The following GPHN variants were observed in gnomAD, a reference collection of about 807,000 sequenced individuals.
The protein encoded by GPHN is gephyrin.
Under a neutral mutation model 95.5 loss-of-function variants are expected in GPHN, and 17 were observed. The observed-to-expected ratio is 0.18, with a 90% CI of 0.12 to 0.27. The LOEUF (loss-of-function observed/expected upper bound fraction) is 0.27. Ranked by LOEUF, GPHN falls within the 10% of genes least tolerant of loss-of-function variation. The pLI is 1.00. For missense variants in GPHN, 660 were observed against 978.1 expected (o/e 0.67, Z 4.34); for synonymous variants, 320 against 322.5 (o/e 0.99, Z 0.08).
intron 1 of GPHN, among the ~76,000 whole-genome samples, chr14:66,641,454 T>A (rs943276949): frequency 1.3e-5 from 2 of 152,170 alleles, no homozygotes; most frequent in Non-Finnish European, 2.9e-5. Flanking sequence ...GTATAAAAGA[T>A]GGATGTTTTA....
chr14:67,647,883 A>G, the GPHN span: 1 of 694,236 alleles, frequency 1.4e-6, no homozygotes, highest in Non-Finnish European at 2.3e-6. Context: ...AATCTCAGTA[A>G]CTTCCAAGAA....
chr14:67,691,378 T>C, the GPHN span: 1 of 624,536 alleles, frequency 1.6e-6, no homozygotes, highest in Middle Eastern at 4.0e-4. Context: ...TTCATATTTA[T>C]TTTCTATTGT....
chr14:67,531,639 G>C, the GPHN span, among the ~76,000 whole-genome samples: 1 of 151,688 alleles, frequency 6.6e-6, no homozygotes, highest in African/African-American at 2.4e-5. Flanking sequence ...CTGGGCCGAG[G>C]TGCGGTGGCT....
At chr14:67,071,801 T>A (rs2076323565) in intron 11 of GPHN, among the ~76,000 whole-genome samples, 1 of 151,880 alleles carries the variant, frequency 6.6e-6, no homozygotes, top group Non-Finnish European at 1.5e-5. Context: ...TAAAGTATAT[T>A]ATAAATAAAA....
rs534500390 is a variant in GPHN, at chr14:66,641,666, A to G, written c.65-39441A>G. Among the ~76,000 whole-genome samples the G allele has an allele frequency of 6.0e-5, 9 of 151,078 alleles. No individual in the cohort carries two copies. The East Asian group carries it at 1.2e-3, about 19-fold the overall frequency. ...AACAAGTAGATGACAAAAAAAAAAA[A>G]AGAGAGAGGTAGAGCACATTTTTAC... On this transcript the variant is annotated intron_variant, in intron 1 of 22. Coordinates refer to ENST00000478722, the MANE Select transcript of GPHN (RefSeq NM_020806.5).
intron 8 of GPHN, among the ~76,000 whole-genome samples, chr14:66,925,446 G>T (rs1466549767): frequency 6.6e-6 from 1 of 151,928 alleles, no homozygotes; most frequent in Non-Finnish European, 1.5e-5. Context: ...TCCACCCTCT[G>T]GTAACCATCA....
At chr14:66,573,611 C>T (rs1200103694) in intron 1 of GPHN, among the ~76,000 whole-genome samples, 1 of 152,148 alleles carries the variant, frequency 6.6e-6, no homozygotes. Flanking sequence ...CGCCTGCCAC[C>T]ACGCACGGCT....
chr14:66,545,134 C>T (rs1258494221), intron 1 of GPHN, among the ~76,000 whole-genome samples: 1 of 152,164 alleles, frequency 6.6e-6, no homozygotes, highest in African/African-American at 2.4e-5. Flanking sequence ...AGAGGGGCTC[C>T]TCACTTCCCA....
the GPHN span, among the ~76,000 whole-genome samples, chr14:67,416,592 C>T: frequency 2.0e-5 from 3 of 152,226 alleles, no homozygotes; most frequent in Non-Finnish European, 2.9e-5. Flanking sequence ...CAGCTAGTTG[C>T]TCTGCTACAA....
the GPHN span, among the ~76,000 whole-genome samples, chr14:67,341,188 G>A: frequency 6.6e-6 from 1 of 152,050 alleles, no homozygotes; most frequent in African/African-American, 2.4e-5. Flanking sequence ...TGGAAAGTGA[G>A]GAGCGTCTGT....
the GPHN span, chr14:67,695,693 A>G: frequency 6.2e-7 from 1 of 1,614,160 alleles, no homozygotes. Flanking sequence ...CGGGAACATG[A>G]GCTCAACCAT....
the GPHN span, among the ~76,000 whole-genome samples, chr14:67,538,931 T>G: frequency 2.0e-5 from 3 of 152,204 alleles, no homozygotes; most frequent in Admixed American, 6.5e-5. Flanking sequence ...TTGGAGATTT[T>G]GATAATTTGG....
rs375952673 is a variant in GPHN, at chr14:67,056,486, C to T, written c.1007-2163C>T. Among the ~76,000 whole-genome samples, 75 of 152,240 alleles carry T rather than the reference C, an allele frequency of 4.9e-4. No homozygotes were observed. The East Asian group carries it at 7.9e-3, about 16-fold the overall frequency. On this transcript the variant is annotated intron_variant, in intron 10 of 22. Transcript: ENST00000478722. ...AGTGCTGATTGGTGGATGTACAATCCGCTAGCTAGACATAAAAGTTCTCTA... is the reference window on the plus strand; with the variant it reads ...AGTGCTGATTGGTGGATGTACAATCTGCTAGCTAGACATAAAAGTTCTCTA...
chr14:66,899,981 G>A (rs1158716064), intron 5 of GPHN, among the ~76,000 whole-genome samples: 2 of 151,804 alleles, frequency 1.3e-5, no homozygotes, highest in Non-Finnish European at 2.9e-5. Flanking sequence ...TATGGTTAAT[G>A]TAGTATTTTA....
At chr14:66,583,611 C>A (rs902290429) in intron 1 of GPHN, among the ~76,000 whole-genome samples, 1 of 151,938 alleles carries the variant, frequency 6.6e-6, no homozygotes, top group East Asian at 1.9e-4. Flanking sequence ...TATGGCTAGC[C>A]AGTTTTCCCA....
chr14:66,606,297 G>C (rs567603193), intron 1 of GPHN, among the ~76,000 whole-genome samples: 7 of 152,196 alleles, frequency 4.6e-5, no homozygotes, highest in South Asian at 2.1e-4. Context: ...AAATCAGATG[G>C]TTATGGGTGT....
At chr14:67,556,417 T>C in the GPHN span, among the ~76,000 whole-genome samples, 1 of 152,228 alleles carries the variant, frequency 6.6e-6, no homozygotes, top group Admixed American at 6.5e-5. Context: ...ATTACAGGCG[T>C]GAGCCACTGT....
chr14:66,579,224 A>G (rs780048621), intron 1 of GPHN, among the ~76,000 whole-genome samples: 1 of 151,848 alleles, frequency 6.6e-6, no homozygotes, highest in Non-Finnish European at 1.5e-5. Flanking sequence ...TAAGTAAGAA[A>G]TCAAAGCATA....
At chr14:66,976,791 T>C (rs2070256606) in intron 9 of GPHN, among the ~76,000 whole-genome samples, 1 of 151,912 alleles carries the variant, frequency 6.6e-6, no homozygotes, top group Non-Finnish European at 1.5e-5. Context: ...ACAAGAAATC[T>C]ACCATATACA....
Sources: allele counts gnomAD v4.1 joint callset (sites outside exome capture counted in the v4.1 genomes callset), GRCh38; gene constraint gnomAD v4.1.1; transcripts MANE v1.5; gene names NCBI Gene and HGNC (gene_info 2026-07-23, HGNC 2026-07-21).